Variants in MBD3 observed in about 807,000 individuals in gnomAD.
MBD3 encodes the protein methyl-CpG-binding domain protein 3.
A neutral mutation model predicts 31.2 loss-of-function variants in MBD3; 13 were observed. The observed-to-expected ratio is 0.42, with a 90% CI of 0.27 to 0.66. The LOEUF (loss-of-function observed/expected upper bound fraction) is 0.66, where lower values mean the gene tolerates loss of function less well. Ranked by LOEUF, MBD3 falls within the 30% of genes least tolerant of loss-of-function variation. The probability of loss-of-function intolerance (pLI) is 0.26; values close to 1 mark genes in which losing one functional copy is unlikely to be tolerated. For missense variants in MBD3, 440 were observed against 426.5 expected (o/e 1.03, Z -0.28); for synonymous variants, 223 against 187.4 (o/e 1.19, Z -1.55).
chr19:1,584,189 G>T (rs2060666570), intron 3 of MBD3, among the ~76,000 whole-genome samples: 1 of 151,794 alleles, frequency 6.6e-6, no homozygotes, highest in Admixed American at 6.6e-5. Flanking sequence ...GTTGAGGGTG[G>T]GGCGTATCCT....
At chr19:1,582,077 T>C (rs1280994676) in intron 4 of MBD3, among the ~76,000 whole-genome samples, 1 of 152,102 alleles carries the variant, frequency 6.6e-6, no homozygotes, top group Non-Finnish European at 1.5e-5. Context: ...TTGCTCTGTA[T>C]TTTCTGTAGA....
intron 4 of MBD3, among the ~76,000 whole-genome samples, chr19:1,581,926 C>T (rs1042508310): frequency 8.5e-5 from 13 of 152,066 alleles, no homozygotes; most frequent in Non-Finnish European, 1.5e-5. Flanking sequence ...CGCCACTACA[C>T]CCGGCTAATT....
At position 1,581,012 on chromosome 19, in the gene MBD3, G is replaced by A. The variant is rs534542417; in HGVS notation, c.677+80C>T. 119 of 1,546,552 alleles carry A rather than the reference G, an allele frequency of 7.7e-5. No homozygotes were observed. In the Admixed American group the frequency reaches 1.2e-3, roughly 16 times the overall value. On this transcript the variant is annotated intron_variant, in intron 5 of 6. Coordinates refer to ENST00000434436, the MANE Select transcript of MBD3 (RefSeq NM_001281453.2). ...AGCATCGTGGGGAGACGGGAAGCAC[G>A]CAGGCACACGGGGACACTCAGGGTC...
intron 3 of MBD3, among the ~76,000 whole-genome samples, chr19:1,583,574 C>T (rs1268013297): frequency 6.6e-6 from 1 of 151,818 alleles, no homozygotes; most frequent in Non-Finnish European, 1.5e-5. Context: ...AATACAACAA[C>T]TGGCCAGGTG....
At chr19:1,581,029 C>T (rs1414558705) in intron 5 of MBD3, 63 bp downstream of exon 5, 1 of 1,601,616 alleles carries the variant, frequency 6.2e-7, no homozygotes, top group Non-Finnish European at 8.5e-7. Context: ...CACGGGGACA[C>T]TCAGGGTCCC....
chr19:1,584,407 T>G, intron 3 of MBD3, 133 bp downstream of exon 3: 1 of 1,360,770 alleles, frequency 7.3e-7, no homozygotes, highest in Non-Finnish European at 1.0e-6. Context: ...TTTTGCCTCG[T>G]CATGTTGCCC....
chr19:1,592,098 T>C (rs1361527063), intron 1 of MBD3: 2 of 152,324 alleles, frequency 1.3e-5, no homozygotes, highest in African/African-American at 2.4e-5. Flanking sequence ...GATCCGCCCA[T>C]GAGCCCTGCT....
intron 1 of MBD3, among the ~76,000 whole-genome samples, chr19:1,591,575 G>A (rs1182431946): frequency 6.6e-6 from 1 of 152,192 alleles, no homozygotes; most frequent in African/African-American, 2.4e-5. Context: ...CCAGGTGCTC[G>A]GCACATGGCA....
rs558922487 is a variant in MBD3 at position 1,587,422 on chromosome 19, T to C, written c.111-2208A>G. 1.4e-3 allele frequency among the ~76,000 whole-genome samples: 220 copies of C among 151,814 alleles called. 1 individual carries two copies. The highest frequency in any genetic ancestry group is 5.1e-3 in the African/African-American group (212 of 41,380). ...CTGCTTCATTTCTTTTTTTTTTCAT[T>C]TTTACTTTTAGATCCAGGGTCTCCT... On this transcript the variant is annotated intron_variant, in intron 1 of 6. Transcript: ENST00000434436.
chr19:1,579,139 G>A (rs1402402796), intron 5 of MBD3, among the ~76,000 whole-genome samples: 1 of 140,494 alleles, frequency 7.1e-6, no homozygotes, highest in African/African-American at 2.7e-5. Flanking sequence ...GGCTGGGATG[G>A]CGCCATTGCA....
chr19:1,578,611 G>A lies in MBD3; in HGVS notation c.678-73C>T. On this transcript the variant is annotated intron_variant, in intron 5 of 6. Coordinates refer to ENST00000434436, the MANE Select transcript of MBD3 (RefSeq NM_001281453.2). This position sits in a 1 kb window ranked among gnomAD's most constrained non-coding sequence, Gnocchi z 6.1. ...GACATGGACACAGGATGAACGTGGG[G>A]ACCTCAGCTGGGAGGGGAGGCCCGA... 4 of 1,602,176 alleles carry A rather than the reference G, an allele frequency of 2.5e-6. No individual in the cohort carries two copies. The highest frequency in any genetic ancestry group is 3.4e-6 in the Non-Finnish European group (4 of 1,179,816).
In MBD3 at chr19:1,585,229, G is replaced by A; in HGVS notation, c.111-15C>T. On this transcript the variant is annotated splice_polypyrimidine_tract_variant and intron_variant, in intron 1 of 6. Transcript: ENST00000434436. This position sits in a 1 kb window ranked among gnomAD's most constrained non-coding sequence, Gnocchi z 4.1. The stretch of plus-strand genomic sequence containing the variant: ...TCCCGCTCGGGCTGCGGGGAGGCGG[G>A]ACGGTCGGCGCCCCGGGCGGACCCC... 6.4e-7 allele frequency: 1 copy of A among 1,572,722 alleles called. No individual in the cohort carries two copies. Among genetic ancestry groups the A allele is most frequent in the Non-Finnish European group, 8.6e-7 (1 of 1,166,532 alleles).
In MBD3 at chr19:1,584,544, C is replaced by T. The variant is rs1406678915; in HGVS notation, c.404G>A (p.Arg135His). ...GTCGCTGTGCGTTGAGCTCACCTGGCGCGGCTGGTCCACCGCCTTCTGCGG... is the reference window on the plus strand; with the variant it reads ...GTCGCTGTGCGTTGAGCTCACCTGGTGCGGCTGGTCCACCGCCTTCTGCGG... ...SDPQKAVDQPRQLFWEKKLSG... is the reference protein window; with the variant it reads ...SDPQKAVDQPHQLFWEKKLSG... The change falls in exon 3 of 7, where the codon CGC becomes CAC. Residue 135 changes from arginine (R) to histidine (H), a missense_variant. By Grantham distance (29) the Arg-to-His change is conservative. Around this residue, in one of 3 missense-constraint regions of MBD3, gnomAD observed 144 missense variants for 196.9 expected, o/e 0.73. Transcript: ENST00000434436. 7.4e-6 allele frequency: 12 copies of T among 1,613,144 alleles called. No homozygotes were observed. The highest frequency in any genetic ancestry group is 2.7e-5 in the African/African-American group (2 of 74,936).
chr19:1,584,409 A>C, intron 3 of MBD3, 131 bp downstream of exon 3: 1 of 1,381,420 alleles, frequency 7.2e-7, no homozygotes, highest in Non-Finnish European at 1.0e-6. Context: ...TTGCCTCGTC[A>C]TGTTGCCCAG....
Position 1,578,421 on chromosome 19 carries a change from G to C in MBD3, c.795C>G (p.Ala265=), listed in dbSNP as rs753429036. The change falls in exon 6 of 7, where the codon GCC becomes GCG. Residue 265 remains alanine (A), a synonymous_variant. Coordinates refer to ENST00000434436, the MANE Select transcript of MBD3 (RefSeq NM_001281453.2). The surrounding 1 kb of genome is among the most constrained non-coding windows in gnomAD (Gnocchi z 6.1). ...CTTCCTCGTCGTCGTCCTCAGCGCA[G>C]GCCTTGTCCAGCGGCGCCTCCCCGT... ...ARDGEAPLDK[A]CAEDDDEEDE... 3 of 1,605,566 alleles carry C rather than the reference G, an allele frequency of 1.9e-6. No homozygotes were observed. The South Asian group carries it at 3.3e-5, about 18-fold the overall frequency.
At chr19:1,584,973 T>A in intron 2 of MBD3, 82 bp downstream of exon 2, 1 of 1,569,380 alleles carries the variant, frequency 6.4e-7, no homozygotes, top group Non-Finnish European at 8.6e-7. Flanking sequence ...CGCCGGGCTG[T>A]GTCGCCTGCA....
rs1915040793 is a variant in MBD3, at chr19:1,574,289, A to C, written c.*3875T>G. 1 of 151,548 alleles carries C rather than the reference A, an allele frequency of 6.6e-6. No homozygotes were observed. The highest frequency in any genetic ancestry group is 2.4e-5 in the African/African-American group (1 of 41,114). The allele number at this position is 151,548 out of a possible 1,614,324, so 9.4% of individuals were successfully genotyped here. ...CTCCAGCCTGGGTGACAAGAGTGAG[A>C]CTCCATCTCAAAAAAAAAACTGTGG... On this transcript the variant is annotated 3_prime_UTR_variant, in exon 7 of 7. Transcript: ENST00000434436.
At position 1,574,849 on chromosome 19, in the gene MBD3, G is replaced by C. The variant is rs1407443483; in HGVS notation, c.*3315C>G. On this transcript the variant is annotated 3_prime_UTR_variant, in exon 7 of 7. Transcript: ENST00000434436. ...CATCCCCGGGGATCTTTGCGGTGGC[G>C]AGTGTGTGCGGTGGTCAGAAGGGCT... is the stretch of plus-strand genomic sequence containing the variant. 1 of 199,210 alleles carries C rather than the reference G, an allele frequency of 5.0e-6. No homozygotes were observed. Among genetic ancestry groups the C allele is most frequent in the East Asian group, 1.8e-4 (1 of 5,698 alleles). 12.3% of individuals were successfully genotyped at this position (199,210 alleles called of 1,614,324 possible). A position where few individuals can be genotyped will look rare whatever the true frequency, so the allele number is the denominator to read the frequency against.
In MBD3 at chr19:1,592,516, A is replaced by G; in HGVS notation, c.110+6T>C. On this transcript the variant is annotated splice_donor_region_variant and intron_variant, in intron 1 of 6. Coordinates refer to ENST00000434436, the MANE Select transcript of MBD3 (RefSeq NM_001281453.2). Reference sequence around the variant, plus strand: ...GAGGCCCTGCGCGGCCGGCGCGCTCATTCACCTATAGTAAAAGACATCCCT... The same window carrying G: ...GAGGCCCTGCGCGGCCGGCGCGCTCGTTCACCTATAGTAAAAGACATCCCT... 2 of 1,396,084 alleles carry G rather than the reference A, an allele frequency of 1.4e-6. No homozygotes were observed. Among genetic ancestry groups the G allele is most frequent in the Non-Finnish European group, 1.9e-6 (2 of 1,046,800 alleles). 86.5% of individuals were successfully genotyped at this position (1,396,084 alleles called of 1,614,324 possible). A position where few individuals can be genotyped will look rare whatever the true frequency, so the allele number is the denominator to read the frequency against.
Sources: allele counts gnomAD v4.1 joint callset (sites outside exome capture counted in the v4.1 genomes callset), GRCh38; gene constraint gnomAD v4.1.1; regional missense constraint gnomAD v4.1.1; non-coding constraint Gnocchi (gnomAD v3.1); transcripts MANE v1.5; gene names NCBI Gene and HGNC (gene_info 2026-07-23, HGNC 2026-07-21).